Variants in RAB15 observed in about 807,000 individuals in gnomAD.
The protein encoded by RAB15 is ras-related protein Rab-15.
In RAB15, 13 loss-of-function variants were observed where a neutral mutation model predicts 31.8. The observed-to-expected ratio is 0.41, with a 90% CI of 0.27 to 0.65. The LOEUF (loss-of-function observed/expected upper bound fraction) is 0.65. RAB15 is among the 30% of genes least tolerant of loss of function. The pLI is 0.32. For synonymous variants in RAB15, 100 were observed against 105.6 expected, an observed-to-expected ratio of 0.95 and a Z score of 0.33; for missense variants, 220 against 277.3, an observed-to-expected ratio of 0.79 and a Z score of 1.47.
Position 64,952,659 on chromosome 14 carries a change from T to A in RAB15, c.125-88A>T. ...GCCAGGCAATCACACTTGAAAGGTT[T>A]CCTTTCAGTTTAATTTGGCAAAGGG... is the stretch of plus-strand genomic sequence containing the variant. On this transcript the variant is annotated intron_variant, in intron 1 of 6. Transcript: ENST00000533601. This position sits in a 1 kb window ranked among gnomAD's most constrained non-coding sequence, Gnocchi z 4.2. 4 of 946,068 alleles carry A rather than the reference T, an allele frequency of 4.2e-6. No homozygotes were observed. Among genetic ancestry groups the A allele is most frequent in the Non-Finnish European group, 3.3e-6 (2 of 607,460 alleles). The allele number at this position is 946,068 out of a possible 1,614,324, so 58.6% of individuals were successfully genotyped here.
At position 64,950,183 on chromosome 14, in the gene RAB15, C is replaced by T. The variant is rs73281766; in HGVS notation, c.414+142G>A. ...AGACAACAAGCCTTCCGAGGATGGC[C>T]ACTCCCCCAGGGCCTTGGGGTGCTG... On this transcript the variant is annotated intron_variant, in intron 5 of 6. Coordinates refer to ENST00000533601, the MANE Select transcript of RAB15 (RefSeq NM_001308154.2). This position sits in a 1 kb window ranked among gnomAD's most constrained non-coding sequence, Gnocchi z 5.6. 5 of 726,276 alleles carry T rather than the reference C, an allele frequency of 6.9e-6. No homozygotes were observed. The African/African-American group carries it at 7.0e-5, about 10-fold the overall frequency. The allele number at this position is 726,276 out of a possible 1,614,324, so 45.0% of individuals were successfully genotyped here. A position where few individuals can be genotyped will look rare whatever the true frequency, so the allele number is the denominator to read the frequency against.
rs1053599001 is a variant in RAB15 at position 64,953,249 on chromosome 14, A to G, written c.125-678T>C. Among the ~76,000 whole-genome samples the G allele has an allele frequency of 3.3e-5, 5 of 152,230 alleles. No homozygotes were observed. The highest frequency in any genetic ancestry group is 7.3e-5 in the Non-Finnish European group (5 of 68,042). On this transcript the variant is annotated intron_variant, in intron 1 of 6. Transcript: ENST00000533601. The surrounding 1 kb of genome is among the most constrained non-coding windows in gnomAD (Gnocchi z 4.6). Reference sequence around the variant, plus strand: ...TCCTCCCTCTGGCCACTCATAGCTCATTGCTATAACATCAGGCACCTTGCT... The same window carrying G: ...TCCTCCCTCTGGCCACTCATAGCTCGTTGCTATAACATCAGGCACCTTGCT...
At chr14:64,959,301 G>C (rs1045513173) in intron 1 of RAB15, among the ~76,000 whole-genome samples, 1 of 152,088 alleles carries the variant, frequency 6.6e-6, no homozygotes, top group African/African-American at 2.4e-5. Flanking sequence ...CTCAGGATTG[G>C]CCACTGCTGC....
intron 1 of RAB15, among the ~76,000 whole-genome samples, chr14:64,963,658 G>A (rs1886975609): frequency 6.6e-6 from 1 of 152,210 alleles, no homozygotes; most frequent in African/African-American, 2.4e-5. Flanking sequence ...AGATGCACCT[G>A]CCCTCACCCA....
chr14:64,970,416 T>A lies in RAB15; in HGVS notation c.124+1537A>T, dbSNP rs1887358062. ...AGGCTCCCCTTCTTTCTGCAATGTC[T>A]CTCATCCAAACCATGGCTCAGCCCA... On this transcript the variant is annotated intron_variant, in intron 1 of 6. Coordinates refer to ENST00000533601, the MANE Select transcript of RAB15 (RefSeq NM_001308154.2). This position sits in a 1 kb window ranked among gnomAD's most constrained non-coding sequence, Gnocchi z 4.1. Among the ~76,000 whole-genome samples, 1 of 152,174 alleles carries A rather than the reference T, an allele frequency of 6.6e-6. No individual in the cohort carries two copies. The highest frequency in any genetic ancestry group is 2.4e-5 in the African/African-American group (1 of 41,430).
rs1367195366 is a variant in RAB15 at position 64,962,488 on chromosome 14, T to A, written c.124+9465A>T. 7.9e-5 allele frequency among the ~76,000 whole-genome samples: 12 copies of A among 152,148 alleles called. No homozygotes were observed. The highest frequency in any genetic ancestry group is 2.9e-4 in the African/African-American group (12 of 41,432). On this transcript the variant is annotated intron_variant, in intron 1 of 6. Coordinates refer to ENST00000533601, the MANE Select transcript of RAB15 (RefSeq NM_001308154.2). This position sits in a 1 kb window ranked among gnomAD's most constrained non-coding sequence, Gnocchi z 4.2. ...CAGATGTAAGTAATGAATACCTAATTTCAGAGAGCCATATGTGATAAGAAG... is the reference window on the plus strand; with the variant it reads ...CAGATGTAAGTAATGAATACCTAATATCAGAGAGCCATATGTGATAAGAAG...
Position 64,952,461 on chromosome 14 carries a change from G to T in RAB15, c.185+50C>A. The T allele has an allele frequency of 4.9e-6, 7 of 1,442,296 alleles. No homozygotes were observed. The highest frequency in any genetic ancestry group is 6.8e-6 in the Non-Finnish European group (7 of 1,026,984). The allele number at this position is 1,442,296 out of a possible 1,614,324, so 89.3% of individuals were successfully genotyped here. A position where few individuals can be genotyped will look rare whatever the true frequency, so the allele number is the denominator to read the frequency against. ...ACATGGCAGGGGCAGCTAAGGAGCA[G>T]CCAGAAGTCCTCTTCTCCTACATCT... On this transcript the variant is annotated intron_variant, in intron 2 of 6. Coordinates refer to ENST00000533601, the MANE Select transcript of RAB15 (RefSeq NM_001308154.2). This position sits in a 1 kb window ranked among gnomAD's most constrained non-coding sequence, Gnocchi z 4.2.
intron 1 of RAB15, among the ~76,000 whole-genome samples, chr14:64,960,768 G>A (rs1017193472): frequency 2.6e-5 from 4 of 152,182 alleles, no homozygotes; most frequent in Non-Finnish European, 5.9e-5. Flanking sequence ...GGATGTAGAA[G>A]GAGGCTTATG....
rs1204701595 is a variant in RAB15 at position 64,971,901 on chromosome 14, G to T, written c.124+52C>A. The T allele has an allele frequency of 6.7e-6, 10 of 1,488,850 alleles. No homozygotes were observed. In the African/African-American group the frequency reaches 1.1e-4, roughly 17 times the overall value. The allele number at this position is 1,488,850 out of a possible 1,614,324, so 92.2% of individuals were successfully genotyped here. A position where few individuals can be genotyped will look rare whatever the true frequency, so the allele number is the denominator to read the frequency against. On this transcript the variant is annotated intron_variant, in intron 1 of 6. Transcript: ENST00000533601. This position sits in a 1 kb window ranked among gnomAD's most constrained non-coding sequence, Gnocchi z 4.1. ...CCCAGCTGGGGACGGGGGCGGCGGGGAAAGGGGCCGCGGGCGGGGAGGGAG... is the reference window on the plus strand; with the variant it reads ...CCCAGCTGGGGACGGGGGCGGCGGGTAAAGGGGCCGCGGGCGGGGAGGGAG...
chr14:64,951,545 A>C lies in RAB15; in HGVS notation c.246+58T>G. 5 of 1,473,636 alleles carry C rather than the reference A, an allele frequency of 3.4e-6. No homozygotes were observed. Among genetic ancestry groups the C allele is most frequent in the Non-Finnish European group, 4.8e-6 (5 of 1,051,666 alleles). The allele number at this position is 1,473,636 out of a possible 1,614,324, so 91.3% of individuals were successfully genotyped here. A position where few individuals can be genotyped will look rare whatever the true frequency, so the allele number is the denominator to read the frequency against. On this transcript the variant is annotated intron_variant, in intron 3 of 6. Transcript: ENST00000533601. The surrounding 1 kb of genome is among the most constrained non-coding windows in gnomAD (Gnocchi z 7.2). Reference sequence around the variant, plus strand: ...CGTGGCACAGACATCTCAAATACCCAGAGCTGGGAGTGTGGGTGGCAGCTT... The same window carrying C: ...CGTGGCACAGACATCTCAAATACCCCGAGCTGGGAGTGTGGGTGGCAGCTT...
Position 64,948,434 on chromosome 14 carries a change from CATTGCTGG to C in RAB15, c.551_558del (p.Ala184GlyfsTer61). 1 of 1,613,872 alleles carries C rather than the reference CATTGCTGG, an allele frequency of 6.2e-7. No individual in the cohort carries two copies. Among genetic ancestry groups the C allele is most frequent in the Admixed American group, 1.7e-5 (1 of 59,974 alleles). ...TCCTCCAGCTCTGCCAGTGCCAACT[CATTGCTGG>C]CACGCATCCGGAGGCCTTCCAGCTC... is the stretch of plus-strand genomic sequence containing the variant. On this transcript the variant is annotated frameshift_variant, in exon 7 of 7. Coordinates refer to ENST00000533601, the MANE Select transcript of RAB15 (RefSeq NM_001308154.2). LOFTEE classifies it high-confidence loss of function. The surrounding 1 kb of genome is among the most constrained non-coding windows in gnomAD (Gnocchi z 7.0).
In RAB15 at chr14:64,950,354, G is replaced by T; in HGVS notation, c.385C>A (p.Arg129=). 6.2e-7 allele frequency: 1 copy of T among 1,614,108 alleles called. No homozygotes were observed. Among genetic ancestry groups the T allele is most frequent in the Non-Finnish European group, 8.5e-7 (1 of 1,179,998 alleles). Residue 129 remains arginine (R), a synonymous_variant, in exon 5 of 7, where the codon CGG becomes AGG. Transcript: ENST00000533601. The surrounding 1 kb of genome is among the most constrained non-coding windows in gnomAD (Gnocchi z 5.6). The part of the protein sequence containing the change: ...IGNKADEEQK[R]QVGREQGQQL... ...TGCCCTTGCTCTCTTCCCACCTGCC[G>T]TTTCTGCTCCTCATCAGCCTTATTC...
rs1190030200 is a variant in RAB15, at chr14:64,968,268, T to A, written c.124+3685A>T. Among the ~76,000 whole-genome samples the A allele has an allele frequency of 1.3e-5, 2 of 152,194 alleles. No individual in the cohort carries two copies. The highest frequency in any genetic ancestry group is 1.3e-4 in the Admixed American group (2 of 15,272). On this transcript the variant is annotated intron_variant, in intron 1 of 6. Transcript: ENST00000533601. This position sits in a 1 kb window ranked among gnomAD's most constrained non-coding sequence, Gnocchi z 4.9. ...AACTGCCTAGAGCCCCACGGACACC[T>A]ACTCAATCCCACCTCTGTTATCTCT...
rs1222804609 is a variant in RAB15 at position 64,953,469 on chromosome 14, C to T, written c.125-898G>A. ...ATAGGACCAGATGAAGAGGCAGTGG[C>T]ATGGCATGGCATGTCACTGCGGGAG... is the stretch of plus-strand genomic sequence containing the variant. On this transcript the variant is annotated intron_variant, in intron 1 of 6. Transcript: ENST00000533601. The surrounding 1 kb of genome is among the most constrained non-coding windows in gnomAD (Gnocchi z 4.6). Among the ~76,000 whole-genome samples the T allele has an allele frequency of 6.6e-6, 1 of 152,154 alleles. No individual in the cohort carries two copies. Among genetic ancestry groups the T allele is most frequent in the Non-Finnish European group, 1.5e-5 (1 of 68,032 alleles).
chr14:64,950,430 G>T lies in RAB15; in HGVS notation c.325-16C>A. ...CTGGTGCGTACTAGGGACAAAGGAT[G>T]GGCAGAACAGCCAGTGAGTGCTGCC... is the stretch of plus-strand genomic sequence containing the variant. On this transcript the variant is annotated splice_polypyrimidine_tract_variant and intron_variant, in intron 4 of 6. Transcript: ENST00000533601. This position sits in a 1 kb window ranked among gnomAD's most constrained non-coding sequence, Gnocchi z 5.6. 1 of 1,604,082 alleles carries T rather than the reference G, an allele frequency of 6.2e-7. No individual in the cohort carries two copies. Among genetic ancestry groups the T allele is most frequent in the Non-Finnish European group, 8.5e-7 (1 of 1,171,182 alleles).
chr14:64,951,221 G>T lies in RAB15; in HGVS notation c.247-70C>A. The T allele has an allele frequency of 7.6e-7, 1 of 1,324,376 alleles. No individual in the cohort carries two copies. The highest frequency in any genetic ancestry group is 1.1e-6 in the Non-Finnish European group (1 of 937,262). 82.0% of individuals were successfully genotyped at this position (1,324,376 alleles called of 1,614,324 possible). On this transcript the variant is annotated intron_variant, in intron 3 of 6. Coordinates refer to ENST00000533601, the MANE Select transcript of RAB15 (RefSeq NM_001308154.2). The surrounding 1 kb of genome is among the most constrained non-coding windows in gnomAD (Gnocchi z 7.2). ...TGCAGTCATGGGGCCAGAAGGGGCC[G>T]TGGAAACTTAAAGGTTGGGTCCCAC...
In RAB15 at chr14:64,953,795, T is replaced by C; in HGVS notation, c.125-1224A>G. On this transcript the variant is annotated intron_variant, in intron 1 of 6. Transcript: ENST00000533601. The surrounding 1 kb of genome is among the most constrained non-coding windows in gnomAD (Gnocchi z 4.6). ...TGGGTTAATTAAGCTTACGTCTTTG[T>C]GTACTCCCTGGAGCAAGGTCAGGAG... 1.0e-6 allele frequency: 1 copy of C among 985,390 alleles called. No homozygotes were observed. The highest frequency in any genetic ancestry group is 1.2e-6 in the Non-Finnish European group (1 of 829,890). 61.0% of individuals were successfully genotyped at this position (985,390 alleles called of 1,614,324 possible). A position where few individuals can be genotyped will look rare whatever the true frequency, so the allele number is the denominator to read the frequency against.
At chr14:64,967,370 C>T (rs8009893) in intron 1 of RAB15, among the ~76,000 whole-genome samples, 54,139 of 151,928 alleles carry the variant, frequency 0.36, 10,289 homozygotes, top group East Asian at 0.63. Context: ...TGGTGGATCA[C>T]GAGTCCAGGA....
Position 64,968,461 on chromosome 14 carries a change from G to A in RAB15, c.124+3492C>T, listed in dbSNP as rs1159891747. On this transcript the variant is annotated intron_variant, in intron 1 of 6. Transcript: ENST00000533601. This position sits in a 1 kb window ranked among gnomAD's most constrained non-coding sequence, Gnocchi z 4.9. ...ATAGCACTCACCCATCCCATCCATC[G>A]CCATTCTCCGGCTGCCTCATGGTAC... Among the ~76,000 whole-genome samples, 1 of 152,116 alleles carries A rather than the reference G, an allele frequency of 6.6e-6. No individual in the cohort carries two copies. The highest frequency in any genetic ancestry group is 1.5e-5 in the Non-Finnish European group (1 of 68,022).
Sources: allele counts gnomAD v4.1 joint callset (sites outside exome capture counted in the v4.1 genomes callset), GRCh38; gene constraint gnomAD v4.1.1; non-coding constraint Gnocchi (gnomAD v3.1); transcripts MANE v1.5; gene names NCBI Gene and HGNC (gene_info 2026-07-23, HGNC 2026-07-21).